The following PRDM4 variants were observed in gnomAD, a reference collection of about 807,000 sequenced individuals.
The protein encoded by PRDM4 is PR/SET domain 4.
In PRDM4, 38 loss-of-function variants were observed where a neutral mutation model predicts 62.3. The observed-to-expected ratio is 0.61, with a 90% confidence interval of 0.47 to 0.80. PRDM4 has a LOEUF of 0.80. PRDM4 is among the 30% of genes least tolerant of loss of function. The probability of loss-of-function intolerance (pLI) is 0.00; values close to 1 mark genes in which losing one functional copy is unlikely to be tolerated. For synonymous variants in PRDM4, 339 were observed against 348.2 expected, an observed-to-expected ratio of 0.97 and a Z score of 0.30; for missense variants, 858 against 997.1, an observed-to-expected ratio of 0.86 and a Z score of 1.88.
rs745866405 is a variant in PRDM4, at chr12:107,743,233, T to C, written c.1445A>G (p.Asn482Ser). Residue 482 changes from asparagine (N) to serine (S), a missense_variant, in exon 8 of 12, where the codon AAT becomes AGT. Physicochemically the swap from Asn to Ser is conservative, Grantham distance 46 (BLOSUM62 1). Around this residue, in one of 3 missense-constraint regions of PRDM4, gnomAD observed 355 missense variants for 432.6 expected, o/e 0.82. Transcript: ENST00000228437. The part of the protein sequence containing the change: ...LEFCIITTDE[N>S]ECNWMMFVRK... ...CACAAACATCATCCAATTACATTCATTTTCATCAGTTGTAATGATGCAGAA... is the reference window on the plus strand; with the variant it reads ...CACAAACATCATCCAATTACATTCACTTTCATCAGTTGTAATGATGCAGAA... 11 of 1,613,656 alleles carry C rather than the reference T, an allele frequency of 6.8e-6. No homozygotes were observed. Among genetic ancestry groups the C allele is most frequent in the Non-Finnish European group, 9.3e-6 (11 of 1,179,564 alleles).
At chr12:107,753,131 G>C (rs1890950271) in intron 4 of PRDM4, among the ~76,000 whole-genome samples, 1 of 152,226 alleles carries the variant, frequency 6.6e-6, no homozygotes, top group Non-Finnish European at 1.5e-5. Flanking sequence ...CGGCACTTTG[G>C]GATGCTGACG....
chr12:107,745,712 T>C (rs1202130966), intron 6 of PRDM4, among the ~76,000 whole-genome samples: 1 of 152,240 alleles, frequency 6.6e-6, no homozygotes, highest in Non-Finnish European at 1.5e-5. Flanking sequence ...CCTAAACTGT[T>C]TGATGCTTTG....
intron 11 of PRDM4, among the ~76,000 whole-genome samples, chr12:107,735,188 T>G (rs1041136783): frequency 3.3e-5 from 5 of 152,144 alleles, no homozygotes; most frequent in African/African-American, 1.2e-4. Context: ...TATACTTGTA[T>G]GGTGCTCTGC....
intron 3 of PRDM4, among the ~76,000 whole-genome samples, chr12:107,754,442 G>A (rs1891000679): frequency 6.6e-6 from 1 of 152,140 alleles, no homozygotes; most frequent in Non-Finnish European, 1.5e-5. Flanking sequence ...GAGTGCAGTG[G>A]TGTGATCTCA....
At chr12:107,735,940 C>T (rs952878975) in intron 11 of PRDM4, among the ~76,000 whole-genome samples, 5 of 151,990 alleles carry the variant, frequency 3.3e-5, no homozygotes, top group African/African-American at 9.7e-5. Flanking sequence ...ACTGAAGAAC[C>T]CTTAGAATTC....
intron 11 of PRDM4, 125 bp from the exon 12 acceptor site, chr12:107,734,647 T>C: frequency 1.2e-6 from 1 of 856,630 alleles, no homozygotes; most frequent in Non-Finnish European, 1.8e-6. Flanking sequence ...GGCTTTTGCA[T>C]AGGTGATATA....
intron 11 of PRDM4, chr12:107,738,196 C>A (rs1890397003): frequency 6.6e-6 from 1 of 152,132 alleles, no homozygotes; most frequent in Non-Finnish European, 1.5e-5. Context: ...CCTGAGCTGC[C>A]TAGACAGGAT....
chr12:107,753,825 T>C (rs1335090588), intron 4 of PRDM4, 99 bp downstream of exon 4: 5 of 1,161,996 alleles, frequency 4.3e-6, no homozygotes, highest in Non-Finnish European at 4.8e-6. Flanking sequence ...TATCTAATAG[T>C]GACAAACAGA....
intron 5 of PRDM4, among the ~76,000 whole-genome samples, chr12:107,749,584 G>T (rs1351032631): frequency 6.6e-6 from 1 of 151,844 alleles, no homozygotes; most frequent in Non-Finnish European, 1.5e-5. Context: ...AGAAACCAGG[G>T]TTTTCTCCTT....
chr12:107,758,273 AG>A (rs1891127311), intron 2 of PRDM4: 1 of 116,298 alleles, frequency 8.6e-6, no homozygotes, highest in Admixed American at 1.1e-4. Flanking sequence ...TTTTTGAGAC[AG>A]GGTCTTGCTC....
At chr12:107,739,287 A>G (rs1890438112) in intron 11 of PRDM4, 96 bp downstream of exon 11, 9 of 1,387,414 alleles carry the variant, frequency 6.5e-6, no homozygotes, top group Non-Finnish European at 8.9e-6. Flanking sequence ...GAAACAGATG[A>G]GCCAGGACTC....
At chr12:107,756,696 G>T in intron 3 of PRDM4, 136 bp downstream of exon 3, 2 of 1,023,730 alleles carry the variant, frequency 2.0e-6, no homozygotes, top group African/African-American at 1.6e-5. Flanking sequence ...ATCACATGTT[G>T]AACCACCATT....
At position 107,756,975 on chromosome 12, in the gene PRDM4, A is replaced by C. The variant is rs1251945501; in HGVS notation, c.12-10T>G. ...GTTCATTTCATTCATCCTAGAAAAG[A>C]GCACACACAACTAGTTATGCAAAAA... On this transcript the variant is annotated splice_polypyrimidine_tract_variant and intron_variant, in intron 2 of 11. Transcript: ENST00000228437. The C allele has an allele frequency of 6.2e-7, 1 of 1,613,724 alleles. No homozygotes were observed. The highest frequency in any genetic ancestry group is 2.2e-5 in the East Asian group (1 of 44,886).
intron 4 of PRDM4, among the ~76,000 whole-genome samples, chr12:107,752,996 A>T (rs1477388853): frequency 1.3e-5 from 2 of 152,214 alleles, no homozygotes; most frequent in Non-Finnish European, 2.9e-5. Context: ...TATGAAAACC[A>T]CGTAGCAGCA....
chr12:107,755,222 G>A (rs953997698), intron 3 of PRDM4, among the ~76,000 whole-genome samples: 3 of 152,008 alleles, frequency 2.0e-5, no homozygotes, highest in African/African-American at 7.2e-5. Context: ...TAGCTCCTAC[G>A]TAGCTGGGAC....
rs1212215064 is a variant in PRDM4, at chr12:107,742,244, C to G, written c.1586G>C (p.Ser529Thr). 1.2e-6 allele frequency: 2 copies of G among 1,613,236 alleles called. No individual in the cohort carries two copies. Among genetic ancestry groups the G allele is most frequent in the East Asian group, 4.5e-5 (2 of 44,832 alleles). ...ACCAATCTGTTGAGCATAATCTCGG[C>G]TATAATAAAAAAGCAGTTCATTTTC... ...PPENELLFYY[S>T]RDYAQQIGVP... is the part of the protein sequence containing the mutation. Residue 529 changes from serine (S) to threonine (T), a missense_variant, in exon 9 of 12, where the codon AGC becomes ACC. Physicochemically the swap from Ser to Thr is moderately conservative, Grantham distance 58. Around this residue, in one of 3 missense-constraint regions of PRDM4, gnomAD observed 355 missense variants for 432.6 expected, o/e 0.82. Transcript: ENST00000228437.
At chr12:107,735,685 G>A (rs1165586975) in intron 11 of PRDM4, among the ~76,000 whole-genome samples, 13 of 151,568 alleles carry the variant, frequency 8.6e-5, no homozygotes, top group Non-Finnish European at 1.5e-5. Flanking sequence ...TAATGTCAAG[G>A]TTTGAGTAAC....
chr12:107,738,057 A>AAC (rs1890389993), intron 11 of PRDM4: 1 of 152,188 alleles, frequency 6.6e-6, no homozygotes. Context: ...GGCTGGAGTC[A>AAC]GAGATCAGGG....
At chr12:107,745,638 C>A (rs1369213410) in intron 6 of PRDM4, among the ~76,000 whole-genome samples, 2 of 152,120 alleles carry the variant, frequency 1.3e-5, no homozygotes, top group African/African-American at 4.8e-5. Flanking sequence ...AAATATAAAG[C>A]AATTACTATA....
Sources: allele counts gnomAD v4.1 joint callset (sites outside exome capture counted in the v4.1 genomes callset), GRCh38; gene constraint gnomAD v4.1.1; regional missense constraint gnomAD v4.1.1; transcripts MANE v1.5; gene names NCBI Gene and HGNC (gene_info 2026-07-23, HGNC 2026-07-21).